The following SATB2 variants were observed in gnomAD, a reference collection of about 807,000 sequenced individuals.
SATB2 encodes the protein DNA-binding protein SATB2.
SATB2 carries 1 observed loss-of-function variant against 73.4 expected under a neutral mutation model. That is an observed-to-expected ratio of 0.01 (90% CI 0.00 to 0.06). The LOEUF (loss-of-function observed/expected upper bound fraction) is 0.06, where lower values mean the gene tolerates loss of function less well. Ranked by LOEUF, SATB2 falls within the 10% of genes least tolerant of loss-of-function variation. SATB2 has a pLI of 1.00. For missense variants in SATB2, 459 were observed against 945.8 expected, an observed-to-expected ratio of 0.49 and a Z score of 6.75; for synonymous variants, 397 against 367.0, an observed-to-expected ratio of 1.08 and a Z score of -0.93.
At chr2:199,451,033 T>G (rs1180577176) in intron 2 of SATB2, among the ~76,000 whole-genome samples, 3 of 151,690 alleles carry the variant, frequency 2.0e-5, no homozygotes, top group Non-Finnish European at 2.9e-5. Flanking sequence ...AGGATGATAT[T>G]GCTTATTTTC....
At chr2:199,276,771 G>A (rs917165611) in intron 10 of SATB2, among the ~76,000 whole-genome samples, 1 of 151,694 alleles carries the variant, frequency 6.6e-6, no homozygotes, top group Admixed American at 6.6e-5. Context: ...TTTTCAAAAT[G>A]GGCCCAGTGG....
Position 199,368,590 on chromosome 2 carries a change from A to G in SATB2, c.700+15T>C. The G allele has an allele frequency of 6.7e-7, 1 of 1,503,336 alleles. No homozygotes were observed. 93.1% of individuals were successfully genotyped at this position (1,503,336 alleles called of 1,614,324 possible). A position where few individuals can be genotyped will look rare whatever the true frequency, so the allele number is the denominator to read the frequency against. On this transcript the variant is annotated intron_variant, in intron 6 of 10. Coordinates refer to ENST00000417098, the MANE Select transcript of SATB2 (RefSeq NM_001172509.2). ...AAACTGAAAACAGGCTTTACAAACA[A>G]AAAAGTCAGTTTACCTTTAATCTTC... is the stretch of plus-strand genomic sequence containing the variant.
At chr2:199,452,742 T>C (rs1208022970) in intron 2 of SATB2, among the ~76,000 whole-genome samples, 4 of 152,086 alleles carry the variant, frequency 2.6e-5, no homozygotes, top group Non-Finnish European at 1.5e-5. Context: ...TCTCCTAGCC[T>C]TCATATGTTT....
intron 3 of SATB2, among the ~76,000 whole-genome samples, chr2:199,411,718 G>A (rs1690825113): frequency 1.3e-5 from 2 of 152,314 alleles, no homozygotes; most frequent in South Asian, 4.1e-4. Context: ...AGTCATAGGT[G>A]TGGACAGGAC....
At chr2:199,291,006 T>C (rs556015834) in intron 10 of SATB2, among the ~76,000 whole-genome samples, 2 of 152,174 alleles carry the variant, frequency 1.3e-5, no homozygotes, top group Non-Finnish European at 2.9e-5. Flanking sequence ...ACAATAAAAT[T>C]CTGAATTGTC....
rs774341467 is a variant in SATB2, at chr2:199,433,510, C to T, written c.174G>A (p.Leu58=). The change falls in exon 3 of 11, where the codon TTG becomes TTA. Residue 58 remains leucine, a synonymous_variant. Transcript: ENST00000417098. The part of the protein sequence containing the change: ...NGAVAKAVGG[L]MIPVFCVVEQ... ...CCACGACACAAAAGACAGGAATCAT[C>T]AAACCTGAAGGGACAAAATTCAAGA... 3 of 1,614,096 alleles carry T rather than the reference C, an allele frequency of 1.9e-6. No homozygotes were observed. The highest frequency in any genetic ancestry group is 1.7e-4 in the Middle Eastern group (1 of 6,058).
At chr2:199,429,151 T>C (rs1313519574) in intron 3 of SATB2, among the ~76,000 whole-genome samples, 5 of 152,210 alleles carry the variant, frequency 3.3e-5, no homozygotes, top group African/African-American at 1.2e-4. Context: ...CTGTATCATG[T>C]ATAAATTTTC....
chr2:199,319,419 T>C (rs553869428), intron 9 of SATB2, among the ~76,000 whole-genome samples: 1 of 152,224 alleles, frequency 6.6e-6, no homozygotes, highest in South Asian at 2.1e-4. Context: ...CTTTTTCTTT[T>C]ATCCCAGCAG....
At chr2:199,301,744 G>A (rs940869112) in intron 10 of SATB2, among the ~76,000 whole-genome samples, 1 of 152,112 alleles carries the variant, frequency 6.6e-6, no homozygotes, top group Admixed American at 6.6e-5. Context: ...TGTGGAGGAG[G>A]CAGAATTATA....
At chr2:199,380,223 A>G in intron 5 of SATB2, 141 bp downstream of exon 5, 3 of 1,121,782 alleles carry the variant, frequency 2.7e-6, no homozygotes, top group Non-Finnish European at 4.0e-6. Context: ...CAGAAGCAAC[A>G]TAATCTTTTA....
chr2:199,432,367 C>G (rs1691528862), intron 3 of SATB2, among the ~76,000 whole-genome samples: 1 of 152,198 alleles, frequency 6.6e-6, no homozygotes, highest in African/African-American at 2.4e-5. Flanking sequence ...AATGTTTAAT[C>G]TCTCATAGTA....
At chr2:199,435,845 C>G (rs1280294223) in intron 2 of SATB2, among the ~76,000 whole-genome samples, 1 of 152,016 alleles carries the variant, frequency 6.6e-6, no homozygotes, top group Non-Finnish European at 1.5e-5. Context: ...CATGAGAGTC[C>G]CTACCAGCAA....
At chr2:199,418,149 A>T (rs1025726520) in intron 3 of SATB2, among the ~76,000 whole-genome samples, 3 of 152,214 alleles carry the variant, frequency 2.0e-5, no homozygotes, top group African/African-American at 7.2e-5. Context: ...TGTTTCATTT[A>T]ATCTTCCTAA....
chr2:199,316,438 G>A (rs990486928), intron 9 of SATB2, among the ~76,000 whole-genome samples: 15 of 151,988 alleles, frequency 9.9e-5, no homozygotes, highest in Non-Finnish European at 2.1e-4. Flanking sequence ...AAAGTTCAAG[G>A]TTAATTATTT....
At chr2:199,415,292 GAAAT>G (rs1690943959) in intron 3 of SATB2, among the ~76,000 whole-genome samples, 1 of 152,150 alleles carries the variant, frequency 6.6e-6, no homozygotes, top group African/African-American at 2.4e-5. Context: ...TGGTCTCAAA[GAAAT>G]AACCATTCAA....
At chr2:199,379,686 T>TTC (rs1553495901) in intron 5 of SATB2, among the ~76,000 whole-genome samples, 2 of 142,232 alleles carry the variant, frequency 1.4e-5, no homozygotes, top group Non-Finnish European at 3.1e-5. Flanking sequence ...TCTTTTCTTT[T>TTC]TTTTTTTTTT....
intron 7 of SATB2, chr2:199,348,133 T>C (rs1028533128): frequency 6.6e-6 from 1 of 152,384 alleles, no homozygotes; most frequent in African/African-American, 2.4e-5. Context: ...AATTGGCATA[T>C]AATTCTCTCA....
At chr2:199,420,365 T>C (rs914641129) in intron 3 of SATB2, among the ~76,000 whole-genome samples, 2 of 152,168 alleles carry the variant, frequency 1.3e-5, no homozygotes, top group Non-Finnish European at 2.9e-5. Context: ...TAGGACTAAA[T>C]GGACATAAGA....
At chr2:199,370,462 C>T (rs772066358) in intron 5 of SATB2, among the ~76,000 whole-genome samples, 9 of 152,160 alleles carry the variant, frequency 5.9e-5, no homozygotes, top group Non-Finnish European at 1.2e-4. Flanking sequence ...TGTCATCTCT[C>T]TATCTTATTT....
Sources: allele counts gnomAD v4.1 joint callset (sites outside exome capture counted in the v4.1 genomes callset), GRCh38; gene constraint gnomAD v4.1.1; transcripts MANE v1.5; gene names NCBI Gene and HGNC (gene_info 2026-07-23, HGNC 2026-07-21).